EYS: variants seen among roughly 807,000 people sequenced by gnomAD.
The protein encoded by EYS is protein eyes shut homolog.
EYS carries 250 observed loss-of-function variants against 282.1 expected under a neutral mutation model. That is an observed-to-expected ratio of 0.89 (90% CI 0.80 to 0.98). The LOEUF (loss-of-function observed/expected upper bound fraction) is 0.98, where lower values mean the gene tolerates loss of function less well. Among genes scored for constraint, EYS ranks in the 50% least tolerant of loss-of-function variants. The probability of loss-of-function intolerance (pLI) is 0.00; values close to 1 mark genes in which losing one functional copy is unlikely to be tolerated. For missense variants in EYS, 4,016 were observed against 3,709.0 expected, an observed-to-expected ratio of 1.08 and a Z score of -2.15; for synonymous variants, 1,355 against 1,282.9, an observed-to-expected ratio of 1.06 and a Z score of -1.20.
intron 14 of EYS, among the ~76,000 whole-genome samples, chr6:64,979,867 TC>T (rs1266584419): frequency 2.6e-5 from 4 of 151,576 alleles, no homozygotes; most frequent in African/African-American, 7.2e-5. Context: ...TTTTTAAAAT[TC>T]CCACTAAGTT....
intron 29 of EYS, among the ~76,000 whole-genome samples, chr6:64,360,409 G>A (rs1294641232): frequency 6.6e-6 from 1 of 151,738 alleles, no homozygotes; most frequent in Non-Finnish European, 1.5e-5. Context: ...CACTAGCTGA[G>A]AAGTTACTCG....
intron 22 of EYS, among the ~76,000 whole-genome samples, chr6:64,705,898 G>A (rs2149929290): frequency 6.6e-6 from 1 of 150,590 alleles, no homozygotes; most frequent in East Asian, 2.0e-4. Flanking sequence ...TGACGAGTTA[G>A]AGGGTGCAGC....
chr6:64,282,648 A>C (rs1332809711), intron 30 of EYS, among the ~76,000 whole-genome samples: 3 of 152,114 alleles, frequency 2.0e-5, no homozygotes, highest in African/African-American at 7.2e-5. Flanking sequence ...TTTCTTAAGC[A>C]TAATTATTGT....
intron 30 of EYS, among the ~76,000 whole-genome samples, chr6:64,235,481 G>T (rs563128844): frequency 6.6e-6 from 1 of 152,204 alleles, no homozygotes; most frequent in South Asian, 2.1e-4. Flanking sequence ...TCTTAATCCA[G>T]TCTATCATTT....
chr6:64,937,269 GC>G (rs1052289966), intron 15 of EYS, among the ~76,000 whole-genome samples: 117 of 151,448 alleles, frequency 7.7e-4, no homozygotes, highest in African/African-American at 2.8e-3. Context: ...GATATGAAAA[GC>G]AAAAGTGGCA....
chr6:65,478,619 A>G (rs1415942653), intron 5 of EYS, among the ~76,000 whole-genome samples: 3 of 152,098 alleles, frequency 2.0e-5, no homozygotes, highest in Non-Finnish European at 4.4e-5. Flanking sequence ...ACAATTACCA[A>G]ATTATAGTGA....
At chr6:63,965,043 TA>T (rs1379038641) in intron 35 of EYS, among the ~76,000 whole-genome samples, 2 of 152,202 alleles carry the variant, frequency 1.3e-5, no homozygotes, top group Non-Finnish European at 2.9e-5. Flanking sequence ...TGATTTCTCT[TA>T]AAAAATTTAA....
At chr6:65,541,945 A>C (rs1768183433) in intron 2 of EYS, among the ~76,000 whole-genome samples, 1 of 152,116 alleles carries the variant, frequency 6.6e-6, no homozygotes. Flanking sequence ...AGAAGGTTTG[A>C]TTTTCTAATA....
At chr6:65,615,892 C>A (rs1397131872) in intron 2 of EYS, among the ~76,000 whole-genome samples, 2 of 151,418 alleles carry the variant, frequency 1.3e-5, no homozygotes, top group African/African-American at 2.4e-5. Flanking sequence ...TGAGATCGCA[C>A]CACTGCACTC....
At chr6:64,084,916 T>A (rs1772092239) in intron 31 of EYS, among the ~76,000 whole-genome samples, 1 of 152,120 alleles carries the variant, frequency 6.6e-6, no homozygotes, top group African/African-American at 2.4e-5. Flanking sequence ...GGGGTACATA[T>A]CTAGTCCGTG....
intron 29 of EYS, among the ~76,000 whole-genome samples, chr6:64,327,705 G>T (rs1174985739): frequency 1.3e-5 from 2 of 152,130 alleles, no homozygotes; most frequent in East Asian, 3.9e-4. Context: ...GAGATTGCAA[G>T]GCATCAGTAA....
intron 30 of EYS, among the ~76,000 whole-genome samples, chr6:64,278,060 A>G (rs1453252265): frequency 1.3e-5 from 2 of 152,174 alleles, no homozygotes; most frequent in Non-Finnish European, 2.9e-5. Context: ...TAATTATACT[A>G]TGTCAAAGAA....
intron 26 of EYS, among the ~76,000 whole-genome samples, chr6:64,562,390 A>C (rs924757260): frequency 2.0e-5 from 3 of 151,974 alleles, no homozygotes; most frequent in Non-Finnish European, 2.9e-5. Context: ...TTTTAAATAG[A>C]AGCTTAGAGG....
intron 14 of EYS, among the ~76,000 whole-genome samples, chr6:64,946,374 C>T (rs377307161): frequency 1.9e-4 from 29 of 151,922 alleles, no homozygotes; most frequent in African/African-American, 6.8e-4. Context: ...AATTAACAGA[C>T]TTTTGGTCAA....
chr6:64,558,394 T>C (rs57854078), intron 26 of EYS, among the ~76,000 whole-genome samples: 4,599 of 152,106 alleles, frequency 0.03, 155 homozygotes, highest in East Asian at 0.11. Context: ...GAGCAAAAGG[T>C]CAGTTGCTCT....
chr6:64,980,676 T>C (rs1324999100), intron 14 of EYS, among the ~76,000 whole-genome samples: 1 of 151,330 alleles, frequency 6.6e-6, no homozygotes, highest in Non-Finnish European at 1.5e-5. Flanking sequence ...GGTGAGACAA[T>C]ATAAGAATAT....
At chr6:64,092,157 G>A (rs185437678) in intron 31 of EYS, among the ~76,000 whole-genome samples, 3,279 of 152,240 alleles carry the variant, frequency 0.022, 46 homozygotes, top group Middle Eastern at 0.037. Flanking sequence ...ATCATTGTTG[G>A]ACATTTGGGT....
intron 11 of EYS, among the ~76,000 whole-genome samples, chr6:65,324,301 T>C (rs377544178): frequency 6.6e-6 from 1 of 152,198 alleles, no homozygotes; most frequent in Non-Finnish European, 1.5e-5. Context: ...GACTTTGTTT[T>C]ATTTGTTGTA....
At position 64,813,481 on chromosome 6, in the gene EYS, A is replaced by G. The variant is rs1347233751; in HGVS notation, c.3340T>C (p.Cys1114Arg). The change falls in exon 22 of 43, where the codon TGT becomes CGT. Residue 1114 changes from cysteine to arginine, a missense_variant. Physicochemically the swap from Cys to Arg is radical, Grantham distance 180 (BLOSUM62 -3). Transcript: ENST00000503581. The part of the protein sequence containing the change: ...ICPRGYTGAY[C>R]EKSIDNCAEP... ...GCACAATTATCAATGCTTTTTTCAC[A>G]GTATGCACCAGTGTATCCACGTGGG... is the stretch of plus-strand genomic sequence containing the variant. 1 of 1,550,624 alleles carries G rather than the reference A, an allele frequency of 6.4e-7. No homozygotes were observed.
Sources: gnomAD v4.1 joint callset for allele counts (sites outside exome capture counted in the v4.1 genomes callset) on GRCh38, gnomAD v4.1.1 for gene constraint, MANE v1.5 for transcripts, NCBI Gene and HGNC (gene_info 2026-07-23, HGNC 2026-07-21) for gene names.